Variants in PDE4D observed in about 807,000 individuals in gnomAD.
PDE4D encodes 3',5'-cyclic-AMP phosphodiesterase 4D.
PDE4D carries 24 observed loss-of-function variants against 87.4 expected under a neutral mutation model. That is an observed-to-expected ratio of 0.27 (90% confidence interval 0.20 to 0.39). The LOEUF is 0.39. PDE4D is among the 10% of genes least tolerant of loss of function. The pLI, the probability that PDE4D is intolerant of heterozygous loss-of-function variation, is 1.00. For synonymous variants in PDE4D, 384 were observed against 383.2 expected, an observed-to-expected ratio of 1.00 and a Z score of -0.02; for missense variants, 714 against 1,041.0, an observed-to-expected ratio of 0.69 and a Z score of 4.32.
At chr5:60,038,692 C>G (rs1238795185) in intron 2 of PDE4D, among the ~76,000 whole-genome samples, 1 of 151,668 alleles carries the variant, frequency 6.6e-6, no homozygotes, top group Non-Finnish European at 1.5e-5. Context: ...ACTCATCTGA[C>G]AAAGGGCTAA....
chr5:59,102,131 G>A (rs989960959), intron 5 of PDE4D, among the ~76,000 whole-genome samples: 5 of 139,820 alleles, frequency 3.6e-5, no homozygotes, highest in African/African-American at 1.3e-4. Context: ...TTGTTGCCCA[G>A]GCTGGAGTGC....
chr5:60,022,078 A>G lies in PDE4D; in HGVS notation c.43-33361T>C, dbSNP rs539441530. On this transcript the variant is annotated intron_variant, in intron 2 of 16. Coordinates refer to the PDE4D transcript ENST00000502484. Reference sequence around the variant, plus strand: ...CCCTCCTCTTTGGACATGGAGCTGTATTAATGGCTGCTGTATTACTGGCTG... The same window carrying G: ...CCCTCCTCTTTGGACATGGAGCTGTGTTAATGGCTGCTGTATTACTGGCTG... Among the ~76,000 whole-genome samples the G allele has an allele frequency of 3.9e-5, 6 of 152,310 alleles. No homozygotes were observed. The South Asian group carries it at 1.0e-3, about 26-fold the overall frequency.
At chr5:59,792,764 A>G (rs1765963187) in intron 1 of PDE4D, among the ~76,000 whole-genome samples, 1 of 152,206 alleles carries the variant, frequency 6.6e-6, no homozygotes, top group South Asian at 2.1e-4. Context: ...TGACTGGGGA[A>G]GAAACAGAAC....
intron 2 of PDE4D, among the ~76,000 whole-genome samples, chr5:60,182,567 G>A (rs59779697): frequency 0.087 from 13,205 of 152,248 alleles, 621 homozygotes; most frequent in South Asian, 0.16. Flanking sequence ...GGGAGGCAGA[G>A]GTTGCAGTGA....
chr5:59,248,041 G>GC (rs1561805685), intron 1 of PDE4D, among the ~76,000 whole-genome samples: 1 of 47,836 alleles, frequency 2.1e-5, no homozygotes, highest in Non-Finnish European at 4.0e-5. Context: ...GTATCTATTA[G>GC]TAAAAAAAAA....
At chr5:59,660,308 C>G (rs915526987) in intron 1 of PDE4D, among the ~76,000 whole-genome samples, 1 of 151,864 alleles carries the variant, frequency 6.6e-6, no homozygotes, top group Admixed American at 6.6e-5. Context: ...CTCTTTCTGC[C>G]CCATGTTTAG....
chr5:59,124,966 ATTTCT>A lies in PDE4D; in HGVS notation c.808+55624_808+55628del, dbSNP rs545915399. On this transcript the variant is annotated intron_variant, in intron 5 of 14. Coordinates refer to ENST00000340635, the MANE Select transcript of PDE4D (RefSeq NM_001104631.2). ...TTAAGATCTCTTGCTTTCTGGGTAC[ATTTCT>A]TTTCTTTTCTTTTCTTTTTTTTTCA... Among the ~76,000 whole-genome samples, 344 of 151,040 alleles carry A rather than the reference ATTTCT, an allele frequency of 2.3e-3. 4 individuals carry two copies. The South Asian group carries it at 0.024, about 10-fold the overall frequency.
chr5:59,439,402 C>T (rs1035098822), intron 1 of PDE4D, among the ~76,000 whole-genome samples: 2 of 151,426 alleles, frequency 1.3e-5, no homozygotes, highest in African/African-American at 4.9e-5. Flanking sequence ...GTTTCAGAGC[C>T]AAGTGACTTT....
At chr5:59,974,367 T>C (rs933420357) in intron 3 of PDE4D, among the ~76,000 whole-genome samples, 1 of 152,216 alleles carries the variant, frequency 6.6e-6, no homozygotes, top group Non-Finnish European at 1.5e-5. Context: ...ATATAAAAAT[T>C]ATTTAAAATA....
rs541115150 is a variant in PDE4D, at chr5:59,651,211, G to A, written c.455+241957C>T. 3.2e-4 allele frequency among the ~76,000 whole-genome samples: 48 copies of A among 150,208 alleles called. 1 individual carries two copies. The highest frequency in any genetic ancestry group is 8.4e-4 in the South Asian group (4 of 4,770). The stretch of plus-strand genomic sequence containing the variant: ...GCGGAGCTTGCAGTGAGCCGAGATC[G>A]CGCCACTGCACTCCAGCCTGGGCAA... On this transcript the variant is annotated intron_variant, in intron 1 of 14. Transcript: ENST00000340635.
intron 1 of PDE4D, among the ~76,000 whole-genome samples, chr5:59,480,168 T>C (rs894912688): frequency 7.2e-5 from 11 of 151,994 alleles, no homozygotes; most frequent in Admixed American, 2.0e-4. Flanking sequence ...TCCAAGATTT[T>C]TGTTCATGAA....
chr5:60,290,528 G>C (rs1482390391), intron 1 of PDE4D, among the ~76,000 whole-genome samples: 1 of 152,172 alleles, frequency 6.6e-6, no homozygotes, highest in Non-Finnish European at 1.5e-5. Flanking sequence ...AGGAGGCAGG[G>C]AGTGGTGGCT....
intron 1 of PDE4D, among the ~76,000 whole-genome samples, chr5:59,260,409 T>C (rs1761780722): frequency 6.6e-6 from 1 of 151,826 alleles, no homozygotes; most frequent in African/African-American, 2.4e-5. Flanking sequence ...CTTTAAACAT[T>C]TTGGAAAGCC....
chr5:59,750,602 T>C (rs191065195), intron 1 of PDE4D, among the ~76,000 whole-genome samples: 2 of 152,294 alleles, frequency 1.3e-5, no homozygotes, highest in Non-Finnish European at 2.9e-5. Context: ...TCTGACCCAC[T>C]GGAATATTTA....
At chr5:59,079,157 C>A (rs73093332) in intron 5 of PDE4D, among the ~76,000 whole-genome samples, 3,066 of 152,200 alleles carry the variant, frequency 0.02, 107 homozygotes, top group African/African-American at 0.07. Flanking sequence ...GTATCCATCA[C>A]TAAGTGGATA....
intron 1 of PDE4D, among the ~76,000 whole-genome samples, chr5:59,525,670 C>T (rs1410635123): frequency 2.6e-5 from 4 of 152,130 alleles, no homozygotes; most frequent in African/African-American, 4.8e-5. Flanking sequence ...ACCCAAATCT[C>T]GAATTGTAAT....
intron 1 of PDE4D, among the ~76,000 whole-genome samples, chr5:60,212,675 CA>C (rs1743383120): frequency 6.6e-6 from 1 of 152,150 alleles, no homozygotes; most frequent in Admixed American, 6.5e-5. Flanking sequence ...CCGATTGCAC[CA>C]CTTAAGCAGC....
chr5:59,817,750 C>CCA (rs1051080507), intron 1 of PDE4D, among the ~76,000 whole-genome samples: 9 of 150,278 alleles, frequency 6.0e-5, no homozygotes, highest in Admixed American at 1.3e-4. Flanking sequence ...ACACCCCCCC[C>CCA]CACACACACA....
chr5:59,236,988 A>C (rs1285388193), intron 1 of PDE4D, among the ~76,000 whole-genome samples: 1 of 152,144 alleles, frequency 6.6e-6, no homozygotes, highest in African/African-American at 2.4e-5. Flanking sequence ...TCTTGTCCTA[A>C]TTCCCTTCAA....
Sources: gnomAD v4.1 joint callset for allele counts (sites outside exome capture counted in the v4.1 genomes callset) on GRCh38, gnomAD v4.1.1 for gene constraint, MANE v1.5 for transcripts, NCBI Gene and HGNC (gene_info 2026-07-23, HGNC 2026-07-21) for gene names.